HACL2: variants seen among roughly 807,000 people sequenced by gnomAD.
HACL2 encodes the protein 2-hydroxyacyl-CoA lyase 2.
chr19:15,115,208 G>T, the HACL2 span: 1 of 1,610,292 alleles, frequency 6.2e-7, no homozygotes. Context: ...GCTGGACACA[G>T]TCCAGGGGCA....
chr19:15,122,910 C>T, the HACL2 span: 84 of 1,609,112 alleles, frequency 5.2e-5, no homozygotes, highest in African/African-American at 2.9e-4. This position sits in a 1 kb window ranked among gnomAD's most constrained non-coding sequence, Gnocchi z 4.0. Flanking sequence ...CCCGACTGGG[C>T]GGCAGCCATC....
chr19:15,115,148 T>C, the HACL2 span: 2 of 1,347,938 alleles, frequency 1.5e-6, no homozygotes, highest in African/African-American at 2.9e-5. Flanking sequence ...GTGGAGTCAC[T>C]GGGCCTCATG....
the HACL2 span, chr19:15,116,552 G>A: frequency 1.9e-6 from 3 of 1,566,458 alleles, no homozygotes; most frequent in Middle Eastern, 1.7e-4. Flanking sequence ...CAGCTGTGGG[G>A]AGCTGGCTTC....
chr19:15,118,117 C>T, the HACL2 span: 58 of 1,470,598 alleles, frequency 3.9e-5, no homozygotes, highest in East Asian at 9.2e-5. Context: ...TGTTCCTCAC[C>T]GAGTCTCCCT....
the HACL2 span, chr19:15,115,979 T>G: frequency 1.9e-6 from 3 of 1,613,856 alleles, no homozygotes; most frequent in South Asian, 3.3e-5. Flanking sequence ...GAGCAGCAAG[T>G]CTCCCAACTC....
chr19:15,116,846 C>T, the HACL2 span: 1 of 333,306 alleles, frequency 3.0e-6, no homozygotes. Flanking sequence ...GCTACATCCA[C>T]CAAGCACATC....
chr19:15,119,331 T>C, the HACL2 span: 2 of 1,603,708 alleles, frequency 1.2e-6, no homozygotes, highest in Non-Finnish European at 1.7e-6. Context: ...CAGAGGTCAG[T>C]GTGGCCGGGG....
the HACL2 span, chr19:15,115,889 G>A: frequency 6.2e-7 from 1 of 1,614,176 alleles, no homozygotes; most frequent in Non-Finnish European, 8.5e-7. Context: ...TGAGGCTGTA[G>A]CCAAAAGCTC....
chr19:15,125,302 TCAC>T, the HACL2 span: 1 of 533,702 alleles, frequency 1.9e-6, no homozygotes, highest in Non-Finnish European at 3.3e-6. Context: ...GTCCTTTACA[TCAC>T]CACCACTCCC....
the HACL2 span, chr19:15,119,957 C>T: frequency 6.6e-7 from 1 of 1,504,168 alleles, no homozygotes; most frequent in South Asian, 1.2e-5. Context: ...GTAGGGTCCT[C>T]AGACACAAAA....
chr19:15,119,018 G>A, the HACL2 span: 42 of 751,172 alleles, frequency 5.6e-5, no homozygotes, highest in South Asian at 1.1e-4. Flanking sequence ...CCTATTATGC[G>A]TCTGGTTGGG....
the HACL2 span, chr19:15,122,855 G>GC: frequency 3.1e-6 from 5 of 1,612,480 alleles, no homozygotes; most frequent in South Asian, 5.5e-5. This position sits in a 1 kb window ranked among gnomAD's most constrained non-coding sequence, Gnocchi z 4.0. Flanking sequence ...CAGCCCCTCG[G>GC]CCCCAGCACT....
chr19:15,123,535 G>A, the HACL2 span: 43 of 1,613,998 alleles, frequency 2.7e-5, no homozygotes, highest in Admixed American at 5.0e-5. The surrounding 1 kb of genome is among the most constrained non-coding windows in gnomAD (Gnocchi z 5.1). Context: ...TCAGCACAGC[G>A]GCCACGTTCT....
At chr19:15,120,005 T>C in the HACL2 span, 2 of 1,550,062 alleles carry the variant, frequency 1.3e-6, no homozygotes, top group Non-Finnish European at 1.7e-6. Context: ...GCCTGGGGGA[T>C]GTCCAGGGGC....
chr19:15,119,137 A>G, the HACL2 span: 1 of 1,520,678 alleles, frequency 6.6e-7, no homozygotes, highest in East Asian at 2.3e-5. Context: ...TCCTGGGGGA[A>G]GGAGGGAAAG....
At chr19:15,122,474 C>G in the HACL2 span, among the ~76,000 whole-genome samples, 5 of 152,198 alleles carry the variant, frequency 3.3e-5, no homozygotes, top group South Asian at 4.2e-4. The surrounding 1 kb of genome is among the most constrained non-coding windows in gnomAD (Gnocchi z 4.0). Flanking sequence ...TGAGCCTCTC[C>G]CCTTTGCTGC....
the HACL2 span, chr19:15,116,102 G>C: frequency 4.3e-6 from 7 of 1,613,388 alleles, no homozygotes; most frequent in South Asian, 7.7e-5. Context: ...TGGGTGTGAA[G>C]GCGTCCTGAT....
At chr19:15,115,525 A>T in the HACL2 span, 1 of 1,603,734 alleles carries the variant, frequency 6.2e-7, no homozygotes, top group Non-Finnish European at 8.5e-7. Context: ...CTGGGACTGA[A>T]ACAGCCTCCT....
the HACL2 span, among the ~76,000 whole-genome samples, chr19:15,120,959 A>G: frequency 6.6e-6 from 1 of 152,154 alleles, no homozygotes; most frequent in East Asian, 1.9e-4. Flanking sequence ...AAAAGGCAAG[A>G]TAAGAGATAG....
Sources: allele counts gnomAD v4.1 joint callset (sites outside exome capture counted in the v4.1 genomes callset), GRCh38; gene constraint gnomAD v4.1.1; non-coding constraint Gnocchi (gnomAD v3.1); transcripts MANE v1.5; gene names NCBI Gene and HGNC (gene_info 2026-07-23, HGNC 2026-07-21).